KIF14: variants seen among roughly 807,000 people sequenced by gnomAD.
KIF14 encodes kinesin-like protein KIF14.
Under a neutral mutation model 176.2 loss-of-function variants are expected in KIF14, and 98 were observed. The ratio of observed to expected loss-of-function variants is 0.56; its 90% CI spans 0.47 to 0.66. KIF14 has a LOEUF of 0.66. Among genes scored for constraint, KIF14 ranks in the 30% least tolerant of loss-of-function variants. The pLI, the probability that KIF14 is intolerant of heterozygous loss-of-function variation, is 0.00. For missense variants in KIF14, 1,751 were observed against 1,920.4 expected (o/e 0.91, Z 1.65); for synonymous variants, 566 against 632.2 (o/e 0.90, Z 1.57).
At chr1:200,578,817 C>T (rs1364992918) in intron 21 of KIF14, among the ~76,000 whole-genome samples, 1 of 152,146 alleles carries the variant, frequency 6.6e-6, no homozygotes, top group African/African-American at 2.4e-5. Flanking sequence ...TTCAGCCAGG[C>T]GTGGTGGCTC....
chr1:200,560,518 T>G (rs1657081146), intron 26 of KIF14, among the ~76,000 whole-genome samples: 1 of 151,780 alleles, frequency 6.6e-6, no homozygotes, highest in African/African-American at 2.4e-5. Flanking sequence ...GTGATCCACC[T>G]GCCTCGGCCT....
At chr1:200,570,104 T>C in intron 22 of KIF14, 99 bp from the exon 23 acceptor site, 1 of 556,256 alleles carries the variant, frequency 1.8e-6, no homozygotes, top group Non-Finnish European at 3.0e-6. Flanking sequence ...GACATTCATG[T>C]GTGTGTTTTT....
chr1:200,576,933 A>T (rs1465805268), intron 21 of KIF14, among the ~76,000 whole-genome samples: 1 of 151,904 alleles, frequency 6.6e-6, no homozygotes, highest in Non-Finnish European at 1.5e-5. Flanking sequence ...AGACTCAGGT[A>T]ATCCTCTCAC....
Position 200,575,081 on chromosome 1 carries a change from C to T in KIF14, c.3566+510G>A, listed in dbSNP as rs180771641. On this transcript the variant is annotated intron_variant, in intron 22 of 29. Transcript: ENST00000367350. ...ATGCCATTCTCCTGCCTAAGCCTCCCGAGTAGCTGGGAGTACAAGTGCCTG... is the reference window on the plus strand; with the variant it reads ...ATGCCATTCTCCTGCCTAAGCCTCCTGAGTAGCTGGGAGTACAAGTGCCTG... Among the ~76,000 whole-genome samples the T allele has an allele frequency of 8.6e-5, 13 of 151,738 alleles. No homozygotes were observed. The East Asian group carries it at 2.3e-3, about 27-fold the overall frequency.
At chr1:200,607,035 G>A (rs1318207685) in intron 5 of KIF14, among the ~76,000 whole-genome samples, 1 of 128,254 alleles carries the variant, frequency 7.8e-6, no homozygotes, top group Non-Finnish European at 1.6e-5. Context: ...GTAGCATCAA[G>A]TCTTACTAGT....
chr1:200,596,760 T>A (rs1018057871), intron 14 of KIF14, among the ~76,000 whole-genome samples: 7 of 151,856 alleles, frequency 4.6e-5, no homozygotes, highest in Non-Finnish European at 8.8e-5. Context: ...AGATGAGGTT[T>A]CACCATGTTG....
At chr1:200,606,568 T>C (rs1659889916) in intron 6 of KIF14, among the ~76,000 whole-genome samples, 178 bp downstream of exon 6, 1 of 152,156 alleles carries the variant, frequency 6.6e-6, no homozygotes, top group African/African-American at 2.4e-5. Context: ...ACTAACACTC[T>C]ATGGAAAGAG....
At chr1:200,591,691 G>A (rs777480885) in intron 16 of KIF14, among the ~76,000 whole-genome samples, 28 of 152,236 alleles carry the variant, frequency 1.8e-4, no homozygotes, top group Non-Finnish European at 3.1e-4. Context: ...TCTATGGGAC[G>A]TCTTCTCATC....
At chr1:200,566,466 G>A (rs12065927) in intron 23 of KIF14, among the ~76,000 whole-genome samples, 14,375 of 151,590 alleles carry the variant, frequency 0.095, 724 homozygotes, top group South Asian at 0.11. Flanking sequence ...GGTGGCACAC[G>A]CCTGTAGTTC....
At position 200,553,012 on chromosome 1, in the gene KIF14, T is replaced by C. The variant is rs1050497576; in HGVS notation, c.*376A>G. 3.9e-5 allele frequency: 6 copies of C among 153,166 alleles called. No individual in the cohort carries two copies. The highest frequency in any genetic ancestry group is 1.9e-4 in the East Asian group (1 of 5,222). The allele number at this position is 153,166 out of a possible 1,614,324, so 9.5% of individuals were successfully genotyped here. The stretch of plus-strand genomic sequence containing the variant: ...AGACTGGAGTAAAGTGGCATGATCT[T>C]GGCTCACTGCAACCTCTGCCTCTCA... On this transcript the variant is annotated 3_prime_UTR_variant, in exon 30 of 30. Transcript: ENST00000367350.
intron 18 of KIF14, among the ~76,000 whole-genome samples, chr1:200,587,209 A>G (rs1011881431): frequency 6.6e-6 from 1 of 152,172 alleles, no homozygotes; most frequent in African/African-American, 2.4e-5. Context: ...GGGAGAGGGC[A>G]AGAAATGAAA....
intron 14 of KIF14, among the ~76,000 whole-genome samples, chr1:200,595,515 C>T (rs539609583): frequency 7.8e-4 from 119 of 152,312 alleles, no homozygotes; most frequent in Non-Finnish European, 1.5e-3. Context: ...AAGTTCCTTA[C>T]TGGACTCTTA....
chr1:200,584,213 T>C lies in KIF14; in HGVS notation c.3241+1888A>G, dbSNP rs907133978. ...AGCCTGCCAACACATAAGACTCTGT[T>C]TCAAAAAAAAAAAAAAAAGGTCTCA... On this transcript the variant is annotated intron_variant, in intron 19 of 29. Coordinates refer to ENST00000367350, the MANE Select transcript of KIF14 (RefSeq NM_014875.3). Among the ~76,000 whole-genome samples the C allele has an allele frequency of 1.8e-4, 5 of 27,972 alleles. No individual in the cohort carries two copies. The Admixed American group carries it at 2.3e-3, about 13-fold the overall frequency. The allele number at this position is 27,972 out of a possible 152,430, so 18.4% of individuals were successfully genotyped here. A position where few individuals can be genotyped will look rare whatever the true frequency, so the allele number is the denominator to read the frequency against.
At chr1:200,602,407 C>A (rs1411996962) in intron 10 of KIF14, among the ~76,000 whole-genome samples, 4 of 152,106 alleles carry the variant, frequency 2.6e-5, no homozygotes, top group Admixed American at 2.0e-4. Context: ...CCTTTTGAAG[C>A]AGGTGCTCAA....
At chr1:200,619,111 T>C (rs1482498571) in intron 1 of KIF14, among the ~76,000 whole-genome samples, 1 of 152,204 alleles carries the variant, frequency 6.6e-6, no homozygotes. Context: ...CCCATTTCTT[T>C]AGTCTAGAAG....
At chr1:200,616,237 C>T (rs1660401607) in intron 2 of KIF14, among the ~76,000 whole-genome samples, 1 of 142,978 alleles carries the variant, frequency 7.0e-6, no homozygotes, top group Admixed American at 7.0e-5. Context: ...CCCGCTCCAT[C>T]CCTGACTCTG....
intron 27 of KIF14, 46 bp downstream of exon 27, chr1:200,559,284 T>C (rs776309199): frequency 1.6e-6 from 2 of 1,219,790 alleles, no homozygotes; most frequent in Middle Eastern, 4.6e-4. Context: ...AAATCAACTT[T>C]ATATATTATT....
At chr1:200,559,856 G>A (rs576035465) in intron 26 of KIF14, among the ~76,000 whole-genome samples, 1 of 151,840 alleles carries the variant, frequency 6.6e-6, no homozygotes, top group East Asian at 1.9e-4. Context: ...CCTGGTTCAA[G>A]TTATTCTCCT....
At chr1:200,583,128 A>C (rs1291155950) in intron 19 of KIF14, among the ~76,000 whole-genome samples, 1 of 152,188 alleles carries the variant, frequency 6.6e-6, no homozygotes, top group African/African-American at 2.4e-5. Context: ...ATGAAAGAGA[A>C]GAGTGAATTT....
Sources: gnomAD v4.1 joint callset for allele counts (sites outside exome capture counted in the v4.1 genomes callset) on GRCh38, gnomAD v4.1.1 for gene constraint, MANE v1.5 for transcripts, NCBI Gene and HGNC (gene_info 2026-07-23, HGNC 2026-07-21) for gene names.